CAMKMT: variants seen among roughly 807,000 people sequenced by gnomAD.
The protein encoded by CAMKMT is calmodulin-lysine N-methyltransferase, also known as CaM KMT.
A neutral mutation model predicts 48.0 loss-of-function variants in CAMKMT; 53 were observed. That is an observed-to-expected ratio of 1.10 (90% CI 0.89 to 1.39). The LOEUF is 1.39. Among genes scored for constraint, CAMKMT ranks in the 40% most tolerant of loss-of-function variants. The pLI, the probability that CAMKMT is intolerant of heterozygous loss-of-function variation, is 0.00. For synonymous variants in CAMKMT, 165 were observed against 152.3 expected, an observed-to-expected ratio of 1.08 and a Z score of -0.61; for missense variants, 428 against 402.7, an observed-to-expected ratio of 1.06 and a Z score of -0.54.
chr2:44,606,000 G>A (rs1291323767), intron 3 of CAMKMT, among the ~76,000 whole-genome samples: 2 of 152,112 alleles, frequency 1.3e-5, no homozygotes, highest in Non-Finnish European at 2.9e-5. Flanking sequence ...TATAGTTCAT[G>A]AACCATTTGA....
chr2:44,409,978 A>G (rs1476192012), intron 3 of CAMKMT, among the ~76,000 whole-genome samples: 5 of 152,136 alleles, frequency 3.3e-5, no homozygotes, highest in Admixed American at 2.0e-4. Context: ...TTGATGAACT[A>G]TAATATGTTT....
chr2:44,706,379 G>C, intron 5 of CAMKMT, 38 bp downstream of exon 5: 1 of 1,604,934 alleles, frequency 6.2e-7, no homozygotes, highest in Non-Finnish European at 8.5e-7. Flanking sequence ...TTCAGAGGGA[G>C]GAACAAAAGG....
At chr2:44,594,450 G>A (rs1017944386) in intron 3 of CAMKMT, among the ~76,000 whole-genome samples, 5 of 152,168 alleles carry the variant, frequency 3.3e-5, no homozygotes, top group African/African-American at 1.2e-4. Context: ...CATGGTACTG[G>A]TACCAAAACA....
At chr2:44,527,134 C>G (rs1284683905) in intron 3 of CAMKMT, among the ~76,000 whole-genome samples, 2 of 147,524 alleles carry the variant, frequency 1.4e-5, no homozygotes, top group East Asian at 3.9e-4. Context: ...GCTCTGTCAC[C>G]CAAGCTGGAG....
At chr2:44,669,707 G>A (rs950713183) in intron 3 of CAMKMT, among the ~76,000 whole-genome samples, 4 of 151,730 alleles carry the variant, frequency 2.6e-5, no homozygotes, top group Admixed American at 2.6e-4. Flanking sequence ...GCACAATCCC[G>A]GCTCACTGCA....
chr2:44,595,971 C>T (rs928357770), intron 3 of CAMKMT, among the ~76,000 whole-genome samples: 1 of 149,484 alleles, frequency 6.7e-6, no homozygotes, highest in African/African-American at 2.5e-5. Context: ...GGGCATCACA[C>T]ACTGGGGCCT....
chr2:44,409,058 AT>A (rs1682980866), intron 3 of CAMKMT, among the ~76,000 whole-genome samples: 1 of 146,042 alleles, frequency 6.8e-6, no homozygotes, highest in South Asian at 2.2e-4. Context: ...TATATTTTTA[AT>A]TTTTAGTTGT....
chr2:44,766,678 T>A (rs887288433), intron 10 of CAMKMT, 117 bp downstream of exon 10: 11 of 1,043,600 alleles, frequency 1.1e-5, no homozygotes, highest in African/African-American at 6.4e-5. Context: ...GATGTGTTGC[T>A]TCTGAACAGC....
At chr2:44,535,845 T>C (rs1429706029) in intron 3 of CAMKMT, among the ~76,000 whole-genome samples, 1 of 152,096 alleles carries the variant, frequency 6.6e-6, no homozygotes, top group Non-Finnish European at 1.5e-5. Context: ...GGTTGCCTAC[T>C]TTCACCACTC....
At chr2:44,648,601 A>G (rs1393656755) in intron 3 of CAMKMT, among the ~76,000 whole-genome samples, 1 of 152,242 alleles carries the variant, frequency 6.6e-6, no homozygotes, top group East Asian at 1.9e-4. Context: ...AAATCCTTTT[A>G]AAGACCATAC....
chr2:44,662,312 A>C (rs961930038), intron 3 of CAMKMT, among the ~76,000 whole-genome samples: 1 of 152,162 alleles, frequency 6.6e-6, no homozygotes, highest in Non-Finnish European at 1.5e-5. Flanking sequence ...AGTGCTTCTG[A>C]TATTGAACGA....
At chr2:44,420,884 C>G (rs1331981201) in intron 3 of CAMKMT, among the ~76,000 whole-genome samples, 1 of 151,748 alleles carries the variant, frequency 6.6e-6, no homozygotes, top group African/African-American at 2.4e-5. Flanking sequence ...TTAACTGTCA[C>G]CTCATTATCT....
At chr2:44,635,114 G>A (rs1673050547) in intron 3 of CAMKMT, among the ~76,000 whole-genome samples, 1 of 152,180 alleles carries the variant, frequency 6.6e-6, no homozygotes, top group Non-Finnish European at 1.5e-5. Flanking sequence ...TGCTATGCAA[G>A]GTGTTAAGTG....
intron 3 of CAMKMT, among the ~76,000 whole-genome samples, chr2:44,620,279 T>A (rs936096537): frequency 8.5e-5 from 13 of 152,170 alleles, no homozygotes; most frequent in South Asian, 2.1e-4. Context: ...TTTTTTTTTT[T>A]AAACTCCTTT....
intron 3 of CAMKMT, among the ~76,000 whole-genome samples, chr2:44,503,201 A>G (rs1040129276): frequency 6.6e-6 from 1 of 152,078 alleles, no homozygotes; most frequent in Non-Finnish European, 1.5e-5. Flanking sequence ...CAGAAATTTA[A>G]CCTCTCCCCT....
At chr2:44,740,382 G>A (rs757346632) in intron 7 of CAMKMT, among the ~76,000 whole-genome samples, 1 of 151,926 alleles carries the variant, frequency 6.6e-6, no homozygotes, top group Non-Finnish European at 1.5e-5. Context: ...CACCCGCTTC[G>A]GTCTCCCAAA....
At chr2:44,386,661 A>G (rs1203905059) in intron 2 of CAMKMT, among the ~76,000 whole-genome samples, 1 of 151,980 alleles carries the variant, frequency 6.6e-6, no homozygotes. Flanking sequence ...AGGGCTATGA[A>G]CTTTCCTCTT....
intron 3 of CAMKMT, among the ~76,000 whole-genome samples, chr2:44,541,754 G>A (rs1572753933): frequency 6.8e-6 from 1 of 146,632 alleles, no homozygotes; most frequent in South Asian, 2.2e-4. Context: ...TTGGGTGGCA[G>A]AGTGAAACTC....
intron 3 of CAMKMT, among the ~76,000 whole-genome samples, chr2:44,406,101 C>G (rs74947377): frequency 2.0e-3 from 308 of 152,144 alleles, no homozygotes; most frequent in African/African-American, 6.7e-3. Flanking sequence ...GTCTAGCCAA[C>G]TTAGACAAAA....
Sources: gnomAD v4.1 joint callset for allele counts (sites outside exome capture counted in the v4.1 genomes callset) on GRCh38, gnomAD v4.1.1 for gene constraint, MANE v1.5 for transcripts, NCBI Gene and HGNC (gene_info 2026-07-23, HGNC 2026-07-21) for gene names.